FOXK2: variants seen among roughly 807,000 people sequenced by gnomAD.
The protein encoded by FOXK2 is forkhead box protein K2.
Under a neutral mutation model 53.3 loss-of-function variants are expected in FOXK2, and 24 were observed. That is an observed-to-expected ratio of 0.45 (90% CI 0.33 to 0.63). The LOEUF is 0.63. Ranked by LOEUF, FOXK2 falls within the 30% of genes least tolerant of loss-of-function variation. The pLI is 0.03. For missense variants in FOXK2, 952 were observed against 910.5 expected (o/e 1.05, Z -0.59); for synonymous variants, 505 against 407.1 (o/e 1.24, Z -2.89).
Position 82,586,137 on chromosome 17 carries a change from G to C in FOXK2, c.1513G>C (p.Ala505Pro), listed in dbSNP as rs147056425. Residue 505 changes from alanine to proline, a missense_variant, in exon 7 of 9, where the codon GCA (alanine) becomes CCA (proline). Around this residue, in one of 5 missense-constraint regions of FOXK2, gnomAD observed 551 missense variants for 385.1 expected, o/e 1.43. Coordinates refer to ENST00000335255, the MANE Select transcript of FOXK2 (RefSeq NM_004514.4). ...TVSGQAVVTPAAVLAPPKAEA... is the reference protein window; with the variant it reads ...TVSGQAVVTPPAVLAPPKAEA... ...CTCTGGACAAGCTGTGGTCACCCCGGCAGCCGTGCTGGCCCCTCCTAAGGC... is the reference window on the plus strand; with the variant it reads ...CTCTGGACAAGCTGTGGTCACCCCGCCAGCCGTGCTGGCCCCTCCTAAGGC... The C allele has an allele frequency of 4.7e-5, 76 of 1,612,468 alleles. No individual in the cohort carries two copies. In the African/African-American group the frequency reaches 9.6e-4, roughly 20 times the overall value.
At position 82,603,267 on chromosome 17, in the gene FOXK2, C is replaced by T. The variant is rs749131943; in HGVS notation, c.*1768C>T. Reference sequence around the variant, plus strand: ...CCCTCGGTGCAGCTGTCTGCATCTTCCAAGCACTTTACAGATACCTTGGAA... The same window carrying T: ...CCCTCGGTGCAGCTGTCTGCATCTTTCAAGCACTTTACAGATACCTTGGAA... On this transcript the variant is annotated 3_prime_UTR_variant, in exon 9 of 9. Transcript: ENST00000335255. 6.6e-6 allele frequency: 1 copy of T among 152,266 alleles called. No individual in the cohort carries two copies. Among genetic ancestry groups the T allele is most frequent in the Admixed American group, 6.5e-5 (1 of 15,280 alleles). The allele number at this position is 152,266 out of a possible 1,614,324, so 9.4% of individuals were successfully genotyped here.
At chr17:82,524,764 G>T (rs1340226188) in intron 1 of FOXK2, among the ~76,000 whole-genome samples, 1 of 152,184 alleles carries the variant, frequency 6.6e-6, no homozygotes, top group African/African-American at 2.4e-5. Flanking sequence ...GGCTCCATGG[G>T]GGTGTCTGGG....
chr17:82,558,822 C>G lies in FOXK2; in HGVS notation c.420-4532C>G, dbSNP rs371501625. On this transcript the variant is annotated intron_variant, in intron 1 of 8. Coordinates refer to ENST00000335255, the MANE Select transcript of FOXK2 (RefSeq NM_004514.4). ...AGTGCAGTGGCGTGATCTCGGCTCACTGCAAGCTCCGCCTCCTGGGTTCAT... is the reference window on the plus strand; with the variant it reads ...AGTGCAGTGGCGTGATCTCGGCTCAGTGCAAGCTCCGCCTCCTGGGTTCAT... 7.8e-4 allele frequency among the ~76,000 whole-genome samples: 119 copies of G among 152,214 alleles called. 2 individuals are homozygous for G. In the South Asian group the frequency reaches 0.024, roughly 30 times the overall value.
chr17:82,561,966 G>A (rs2044800406), intron 1 of FOXK2, among the ~76,000 whole-genome samples: 1 of 152,174 alleles, frequency 6.6e-6, no homozygotes, highest in Admixed American at 6.5e-5. Flanking sequence ...CCCGCGCCGG[G>A]TGCGCGGATG....
chr17:82,580,216 C>T (rs566349167), intron 4 of FOXK2, among the ~76,000 whole-genome samples: 49 of 123,406 alleles, frequency 4.0e-4, no homozygotes, highest in East Asian at 1.1e-3. Context: ...ACACATGGCC[C>T]AGCCCACCTC....
At chr17:82,591,735 C>T (rs1274027428) in intron 8 of FOXK2, among the ~76,000 whole-genome samples, 1 of 152,174 alleles carries the variant, frequency 6.6e-6, no homozygotes, top group African/African-American at 2.4e-5. Context: ...GTACAAGCAC[C>T]CTCAGAGCTC....
intron 4 of FOXK2, among the ~76,000 whole-genome samples, chr17:82,573,034 T>TA (rs892139568): frequency 1.0e-3 from 154 of 150,960 alleles, no homozygotes; most frequent in South Asian, 5.2e-3. Context: ...CTACAAAAAA[T>TA]AAAAAAAAAT....
intron 1 of FOXK2, among the ~76,000 whole-genome samples, chr17:82,560,276 G>A (rs1388242766): frequency 6.6e-6 from 1 of 152,080 alleles, no homozygotes; most frequent in African/African-American, 2.4e-5. Flanking sequence ...CCAAAGTCCT[G>A]GAATTACAGG....
At chr17:82,535,150 G>GATT (rs1161258841) in intron 1 of FOXK2, among the ~76,000 whole-genome samples, 3 of 152,230 alleles carry the variant, frequency 2.0e-5, no homozygotes, top group Non-Finnish European at 4.4e-5. Flanking sequence ...AAAGTGCTGG[G>GATT]ATTACAGGTG....
rs1598218905 is a variant in FOXK2, at chr17:82,572,026, C to T, written c.909+156C>T. 6 of 596,772 alleles carry T rather than the reference C, an allele frequency of 1.0e-5. No individual in the cohort carries two copies. The East Asian group carries it at 2.0e-4, about 20-fold the overall frequency. The allele number at this position is 596,772 out of a possible 1,614,324, so 37.0% of individuals were successfully genotyped here. On this transcript the variant is annotated intron_variant, in intron 4 of 8. Coordinates refer to ENST00000335255, the MANE Select transcript of FOXK2 (RefSeq NM_004514.4). ...GAAGAGGAGTTGGGGGCCGGTGCTG[C>T]CATGCTCTGCCTCACCTTCTTTGTG...
rs141265272 is a variant in FOXK2 at position 82,546,824 on chromosome 17, C to A, written c.420-16530C>A. Among the ~76,000 whole-genome samples, 581 of 152,114 alleles carry A rather than the reference C, an allele frequency of 3.8e-3. 6 individuals carry two copies. The highest frequency in any genetic ancestry group is 0.013 in the African/African-American group (534 of 41,498). On this transcript the variant is annotated intron_variant, in intron 1 of 8. Transcript: ENST00000335255. Reference sequence around the variant, plus strand: ...GGGTGCGGTGGCTCACACCTGGAATCCCAGCACTTTGGGAGGCCGAGGCAG... The same window carrying A: ...GGGTGCGGTGGCTCACACCTGGAATACCAGCACTTTGGGAGGCCGAGGCAG...
intron 1 of FOXK2, among the ~76,000 whole-genome samples, chr17:82,525,641 C>CT (rs2044410087): frequency 6.6e-6 from 1 of 152,112 alleles, no homozygotes; most frequent in Non-Finnish European, 1.5e-5. Flanking sequence ...ATAGGCAACT[C>CT]TTTAACAGTT....
intron 8 of FOXK2, 35 bp from the exon 9 acceptor site, chr17:82,601,268 G>A (rs747431297): frequency 4.4e-6 from 7 of 1,594,124 alleles, no homozygotes; most frequent in African/African-American, 2.7e-5. Flanking sequence ...GTTCACGTGA[G>A]AGCGTGGGGT....
intron 2 of FOXK2, among the ~76,000 whole-genome samples, chr17:82,565,408 A>T (rs1456038592): frequency 6.6e-6 from 1 of 152,214 alleles, no homozygotes; most frequent in African/African-American, 2.4e-5. Context: ...AGTATTTGCA[A>T]ATCATACATC....
chr17:82,567,627 C>G (rs1442138609), intron 2 of FOXK2, among the ~76,000 whole-genome samples: 1 of 152,152 alleles, frequency 6.6e-6, no homozygotes, highest in Non-Finnish European at 1.5e-5. Flanking sequence ...CCCTCCCCCA[C>G]CACCCCGACT....
intron 6 of FOXK2, 86 bp downstream of exon 6, chr17:82,584,274 C>T (rs992963459): frequency 2.7e-5 from 37 of 1,382,550 alleles, no homozygotes; most frequent in African/African-American, 4.4e-5. Context: ...AACAGCCGGA[C>T]TGGAGGCCTG....
At position 82,563,434 on chromosome 17, in the gene FOXK2, C is replaced by T. The variant is rs150523977; in HGVS notation, c.500C>T (p.Ala167Val). ...AGCGAGAAGAGAGAGAAGCAGGAGGCGTCTGAGTCTCCAGTGAAGGCCGTA... is the reference window on the plus strand; with the variant it reads ...AGCGAGAAGAGAGAGAAGCAGGAGGTGTCTGAGTCTCCAGTGAAGGCCGTA... ...LSSEKREKQE[A>V]SESPVKAVQP... is the part of the protein sequence containing the mutation. The change falls in exon 2 of 9, where the codon GCG (alanine) becomes GTG (valine). Residue 167 changes from alanine to valine, a missense_variant. Coordinates refer to ENST00000335255, the MANE Select transcript of FOXK2 (RefSeq NM_004514.4). 2.3e-4 allele frequency: 379 copies of T among 1,614,162 alleles called. 6 individuals carry two copies. In the East Asian group the frequency reaches 7.6e-3, roughly 32 times the overall value.
rs1466632647 is a variant in FOXK2, at chr17:82,584,114, T to A, written c.1205T>A (p.Leu402Gln). The change falls in exon 6 of 9, where the codon CTG becomes CAG. Residue 402 changes from leucine to glutamine, a missense_variant. Coordinates refer to ENST00000335255, the MANE Select transcript of FOXK2 (RefSeq NM_004514.4). ...TCGAGGGAAGGTTCGCCGGCCCCCC[T>A]GGAGCCTGAGCCTGGCGCTGCACAG... is the stretch of plus-strand genomic sequence containing the variant. ...SLSREGSPAP[L>Q]EPEPGAAQPK... 1.9e-6 allele frequency: 3 copies of A among 1,611,302 alleles called. No homozygotes were observed. In the East Asian group the frequency reaches 6.7e-5, roughly 36 times the overall value.
Position 82,586,214 on chromosome 17 carries a change from A to C in FOXK2, c.1576+14A>C. 1 of 1,279,470 alleles carries C rather than the reference A, an allele frequency of 7.8e-7. No homozygotes were observed. The highest frequency in any genetic ancestry group is 3.7e-5 in the East Asian group (1 of 26,768). The allele number at this position is 1,279,470 out of a possible 1,614,324, so 79.3% of individuals were successfully genotyped here. A position where few individuals can be genotyped will look rare whatever the true frequency, so the allele number is the denominator to read the frequency against. On this transcript the variant is annotated intron_variant, in intron 7 of 8. Coordinates refer to ENST00000335255, the MANE Select transcript of FOXK2 (RefSeq NM_004514.4). ...GGGAAGTCAAAGGTAGGCGGAGGGG[A>C]AAGGAGGAGAGGGGAGACCACAGGG...
Sources: allele counts gnomAD v4.1 joint callset (sites outside exome capture counted in the v4.1 genomes callset), GRCh38; gene constraint gnomAD v4.1.1; regional missense constraint gnomAD v4.1.1; transcripts MANE v1.5; gene names NCBI Gene and HGNC (gene_info 2026-07-23, HGNC 2026-07-21).